The following MSRA variants were observed in gnomAD, a reference collection of about 807,000 sequenced individuals.
MSRA encodes methionine sulfoxide reductase A, also known as mitochondrial peptide methionine sulfoxide reductase.
Under a neutral mutation model 31.3 loss-of-function variants are expected in MSRA, and 54 were observed. The ratio of observed to expected loss-of-function variants is 1.73; its 90% CI spans 1.39 to 2.17. The LOEUF is 2.17. MSRA is among the 30% of genes most tolerant of loss of function. The pLI, the probability that MSRA is intolerant of heterozygous loss-of-function variation, is 0.00. For missense variants in MSRA, 507 were observed against 300.9 expected, an observed-to-expected ratio of 1.69 and a Z score of -5.07; for synonymous variants, 169 against 116.5, an observed-to-expected ratio of 1.45 and a Z score of -2.90.
At chr8:10,216,378 G>A (rs550431841) in intron 2 of MSRA, among the ~76,000 whole-genome samples, 42 of 152,298 alleles carry the variant, frequency 2.8e-4, no homozygotes, top group African/African-American at 9.9e-4. Flanking sequence ...AAATCAGTTG[G>A]TTGCATGATG....
At chr8:10,102,083 A>C (rs1799565883) in intron 1 of MSRA, among the ~76,000 whole-genome samples, 1 of 152,148 alleles carries the variant, frequency 6.6e-6, no homozygotes, top group Non-Finnish European at 1.5e-5. Flanking sequence ...CTTAGTTTTC[A>C]AGGAATGTGT....
intron 5 of MSRA, among the ~76,000 whole-genome samples, chr8:10,323,683 G>A (rs1802185838): frequency 6.6e-6 from 1 of 151,730 alleles, no homozygotes; most frequent in African/African-American, 2.4e-5. Context: ...TAATCTTGTA[G>A]GCAGTTGTGC....
chr8:10,082,771 T>A (rs1798359444), intron 1 of MSRA, among the ~76,000 whole-genome samples: 1 of 152,140 alleles, frequency 6.6e-6, no homozygotes, highest in South Asian at 2.1e-4. Context: ...GTTGTGTGGT[T>A]GTGTTTTATT....
chr8:10,201,015 T>TA (rs1256752488), intron 1 of MSRA, among the ~76,000 whole-genome samples: 1 of 152,148 alleles, frequency 6.6e-6, no homozygotes, highest in Non-Finnish European at 1.5e-5. Context: ...GAACCTTACT[T>TA]ACTTCCTGAC....
intron 1 of MSRA, among the ~76,000 whole-genome samples, chr8:10,164,887 GTGT>G (rs1245338717): frequency 6.6e-6 from 1 of 152,096 alleles, no homozygotes; most frequent in African/African-American, 2.4e-5. Flanking sequence ...AATTAGCCTG[GTGT>G]TGTCGCAGAC....
At chr8:10,149,458 C>G (rs1166082800) in intron 1 of MSRA, among the ~76,000 whole-genome samples, 1 of 152,218 alleles carries the variant, frequency 6.6e-6, no homozygotes, top group Non-Finnish European at 1.5e-5. Context: ...TCCTGCTGCC[C>G]TCCCTGCCCA....
chr8:10,294,763 A>AG (rs904680490), intron 3 of MSRA, among the ~76,000 whole-genome samples: 33 of 152,054 alleles, frequency 2.2e-4, no homozygotes, highest in African/African-American at 7.5e-4. Flanking sequence ...GCACCCACTC[A>AG]GCTGGGCTGT....
chr8:10,122,905 A>G (rs1281365340), intron 1 of MSRA, among the ~76,000 whole-genome samples: 2 of 152,172 alleles, frequency 1.3e-5, no homozygotes, highest in African/African-American at 4.8e-5. Flanking sequence ...CATGGTGTAT[A>G]TGTACCACAT....
At chr8:10,329,793 C>A (rs74329471) in intron 5 of MSRA, among the ~76,000 whole-genome samples, 5,162 of 150,528 alleles carry the variant, frequency 0.034, 115 homozygotes, top group Non-Finnish European at 0.049. Context: ...GGTTTCCCAG[C>A]GAGATGGGAT....
At chr8:10,281,309 G>A (rs1323705620) in intron 3 of MSRA, among the ~76,000 whole-genome samples, 1 of 152,112 alleles carries the variant, frequency 6.6e-6, no homozygotes, top group African/African-American at 2.4e-5. Flanking sequence ...CATTCTCCTG[G>A]ACTTTTCCCC....
At chr8:10,088,295 A>G (rs564361111) in intron 1 of MSRA, among the ~76,000 whole-genome samples, 71 of 152,330 alleles carry the variant, frequency 4.7e-4, no homozygotes, top group African/African-American at 1.7e-3. Flanking sequence ...GAAGTTAAAA[A>G]TGGAACTTCC....
At chr8:10,241,613 T>A (rs61143400) in intron 2 of MSRA, among the ~76,000 whole-genome samples, 4,298 of 152,144 alleles carry the variant, frequency 0.028, 70 homozygotes, top group African/African-American at 0.045. Context: ...GAAAATGAAG[T>A]GATAGAATTA....
intron 5 of MSRA, among the ~76,000 whole-genome samples, chr8:10,388,026 C>T (rs1176497901): frequency 6.6e-6 from 1 of 152,130 alleles, no homozygotes; most frequent in East Asian, 1.9e-4. Context: ...TGTTCTCCAC[C>T]TTCTAGGTTC....
At chr8:10,287,619 C>G (rs150139824) in intron 3 of MSRA, among the ~76,000 whole-genome samples, 1 of 152,148 alleles carries the variant, frequency 6.6e-6, no homozygotes, top group Non-Finnish European at 1.5e-5. Context: ...GTTGGACTTA[C>G]TATTAGTGTC....
intron 5 of MSRA, among the ~76,000 whole-genome samples, chr8:10,322,244 A>AAG (rs200603622): frequency 0.036 from 217 of 6,018 alleles, 1 homozygote; most frequent in African/African-American, 0.039. Flanking sequence ...CAGATGCTCA[A>AAG]AGAGAGAGCA....
chr8:10,405,407 G>A (rs541754926), intron 5 of MSRA, among the ~76,000 whole-genome samples: 3 of 152,282 alleles, frequency 2.0e-5, no homozygotes, highest in East Asian at 3.9e-4. Context: ...CGAGATGGTC[G>A]CCAAGTCACT....
chr8:10,381,450 A>G (rs528960906), intron 5 of MSRA, among the ~76,000 whole-genome samples: 131 of 152,296 alleles, frequency 8.6e-4, no homozygotes, highest in Middle Eastern at 6.8e-3. Context: ...TTTCAGGGGA[A>G]GAGCTGGGAG....
At chr8:10,327,730 G>A (rs1388839064) in intron 5 of MSRA, among the ~76,000 whole-genome samples, 1 of 152,110 alleles carries the variant, frequency 6.6e-6, no homozygotes, top group East Asian at 1.9e-4. Flanking sequence ...TCAGGAGATC[G>A]AGACTATCCT....
chr8:10,207,126 A>G (rs768663935), intron 1 of MSRA, among the ~76,000 whole-genome samples: 2 of 152,232 alleles, frequency 1.3e-5, no homozygotes, highest in Non-Finnish European at 2.9e-5. Context: ...TATTGATCAC[A>G]GTTTGGGGGT....
Sources: allele counts gnomAD v4.1 joint callset (sites outside exome capture counted in the v4.1 genomes callset), GRCh38; gene constraint gnomAD v4.1.1; transcripts MANE v1.5; gene names NCBI Gene and HGNC (gene_info 2026-07-23, HGNC 2026-07-21).